The following CPNE5 variants were observed in gnomAD, a reference collection of about 807,000 sequenced individuals.
CPNE5 encodes copine-5.
In CPNE5, 42 loss-of-function variants were observed where a neutral mutation model predicts 81.1. The ratio of observed to expected loss-of-function variants is 0.52; its 90% CI spans 0.40 to 0.67. The LOEUF (loss-of-function observed/expected upper bound fraction) is 0.67. CPNE5 is among the 30% of genes least tolerant of loss of function. The probability of loss-of-function intolerance (pLI) is 0.00; values close to 1 mark genes in which losing one functional copy is unlikely to be tolerated. For synonymous variants in CPNE5, 313 were observed against 321.5 expected (o/e 0.97, Z 0.28); for missense variants, 612 against 815.5 (o/e 0.75, Z 3.04).
intron 3 of CPNE5, among the ~76,000 whole-genome samples, chr6:36,821,507 A>G (rs1432207216): frequency 6.6e-6 from 1 of 151,700 alleles, no homozygotes; most frequent in Non-Finnish European, 1.5e-5. Context: ...GAGTGGGCCC[A>G]TCAAGTCAGC....
intron 14 of CPNE5, among the ~76,000 whole-genome samples, chr6:36,751,011 C>A (rs1231785684): frequency 6.6e-6 from 1 of 152,210 alleles, no homozygotes; most frequent in Non-Finnish European, 1.5e-5. Context: ...GACAGTGGGG[C>A]CAAAGTACCC....
intron 9 of CPNE5, among the ~76,000 whole-genome samples, chr6:36,776,257 G>A (rs541580911): frequency 1.3e-5 from 2 of 152,270 alleles, no homozygotes; most frequent in East Asian, 3.9e-4. Flanking sequence ...ACCCAAATAA[G>A]TGCCTGGGCT....
At chr6:36,803,302 C>A (rs1770293209) in intron 3 of CPNE5, among the ~76,000 whole-genome samples, 1 of 152,186 alleles carries the variant, frequency 6.6e-6, no homozygotes, top group Non-Finnish European at 1.5e-5. Context: ...GGAGCCTCCG[C>A]TCCCTGGCCA....
chr6:36,771,765 C>T (rs1327435762), intron 10 of CPNE5, among the ~76,000 whole-genome samples: 1 of 151,004 alleles, frequency 6.6e-6, no homozygotes, highest in Non-Finnish European at 1.5e-5. Flanking sequence ...CCTGCCTACC[C>T]TGGAGGGCCT....
intron 20 of CPNE5, chr6:36,742,869 C>T: frequency 3.0e-6 from 3 of 984,858 alleles, no homozygotes; most frequent in Non-Finnish European, 3.6e-6. Context: ...CCAGCAGAGC[C>T]CTCTCTCTCT....
At chr6:36,779,771 C>G (rs567004903) in intron 8 of CPNE5, among the ~76,000 whole-genome samples, 1 of 152,338 alleles carries the variant, frequency 6.6e-6, no homozygotes, top group South Asian at 2.1e-4. Flanking sequence ...CCCCTCAGCT[C>G]TCTGGGGCCA....
chr6:36,748,963 G>C (rs1393821842), intron 14 of CPNE5, among the ~76,000 whole-genome samples: 1 of 152,122 alleles, frequency 6.6e-6, no homozygotes, highest in African/African-American at 2.4e-5. Flanking sequence ...TGGAAAAGAG[G>C]TCTCGCTCTG....
intron 14 of CPNE5, among the ~76,000 whole-genome samples, chr6:36,751,344 T>C (rs1341654021): frequency 6.6e-6 from 1 of 152,222 alleles, no homozygotes. Flanking sequence ...GACTGATTCA[T>C]TACTATAGAA....
rs755375011 is a variant in CPNE5, at chr6:36,742,459, G to A, written c.1591C>T (p.Arg531Cys). ...QFVPFRDYVD[R>C]TGNHVLSMAR... Reference sequence around the variant, plus strand: ...ATGCTCAGCACGTGGTTGCCTGTGCGGTCCACGTAGTCCCGGAAGGGTACA... The same window carrying A: ...ATGCTCAGCACGTGGTTGCCTGTGCAGTCCACGTAGTCCCGGAAGGGTACA... The change falls in exon 21 of 21, where the codon CGC becomes TGC. Residue 531 changes from arginine to cysteine, a missense_variant. By Grantham distance (180) the Arg-to-Cys change is radical. Transcript: ENST00000244751. 8.7e-6 allele frequency: 14 copies of A among 1,612,742 alleles called. No homozygotes were observed. The highest frequency in any genetic ancestry group is 4.0e-5 in the African/African-American group (3 of 74,920).
intron 13 of CPNE5, among the ~76,000 whole-genome samples, chr6:36,753,302 TG>T (rs1468842650): frequency 6.6e-6 from 1 of 152,246 alleles, no homozygotes; most frequent in Non-Finnish European, 1.5e-5. Flanking sequence ...TGGTGCAATG[TG>T]CCCAAGGACA....
chr6:36,759,336 G>C, intron 12 of CPNE5, among the ~76,000 whole-genome samples: 1 of 151,882 alleles, frequency 6.6e-6, no homozygotes, highest in Admixed American at 6.6e-5. Flanking sequence ...CCCATGCAGG[G>C]GGCCAGCGCC....
At chr6:36,763,053 C>T (rs1441804220) in intron 11 of CPNE5, 61 bp from the exon 12 acceptor site, 1 of 1,412,068 alleles carries the variant, frequency 7.1e-7, no homozygotes, top group East Asian at 2.3e-5. Context: ...TGCCCAGCCC[C>T]AGCCTTGCAC....
Position 36,765,311 on chromosome 6 carries a change from G to A in CPNE5, c.779+24C>T, listed in dbSNP as rs774335860. 1.2e-5 allele frequency: 20 copies of A among 1,612,964 alleles called. No homozygotes were observed. In the East Asian group the frequency reaches 1.3e-4, roughly 11 times the overall value. The stretch of plus-strand genomic sequence containing the variant: ...TGTCCCCATCCCCACTCACCTTCTC[G>A]CCCCTGCCCTCCTGCCTGCTTACCT... On this transcript the variant is annotated intron_variant, in intron 11 of 20. Transcript: ENST00000244751.
chr6:36,794,747 G>A, intron 6 of CPNE5, 98 bp from the exon 7 acceptor site: 2 of 1,091,800 alleles, frequency 1.8e-6, no homozygotes. Context: ...GAGACAAGCG[G>A]CTGCTCTGGA....
chr6:36,754,602 G>C (rs562233134), intron 13 of CPNE5: 1 of 152,296 alleles, frequency 6.6e-6, no homozygotes, highest in East Asian at 1.9e-4. Context: ...GTGATTTTTC[G>C]CGATGAAGAT....
intron 11 of CPNE5, among the ~76,000 whole-genome samples, chr6:36,764,035 G>A (rs1366069443): frequency 6.6e-6 from 1 of 152,074 alleles, no homozygotes; most frequent in Non-Finnish European, 1.5e-5. Flanking sequence ...CTGGCCTGGG[G>A]CATCCAGCCG....
At position 36,839,312 on chromosome 6, in the gene CPNE5, G is replaced by A. The variant is rs770269192; in HGVS notation, c.66C>T (p.Ala22=). 36 of 1,550,130 alleles carry A rather than the reference G, an allele frequency of 2.3e-5. No individual in the cohort carries two copies. Among genetic ancestry groups the A allele is most frequent in the South Asian group, 7.2e-5 (6 of 83,842 alleles). The change falls in exon 1 of 21, where the codon GCC becomes GCT. Residue 22 remains alanine (A), a synonymous_variant. Coordinates refer to ENST00000244751, the MANE Select transcript of CPNE5 (RefSeq NM_020939.2). This position sits in a 1 kb window ranked among gnomAD's most constrained non-coding sequence, Gnocchi z 7.3. Reference sequence around the variant, plus strand: ...AGGACACGGTGATCTCCACCTTGGTGGCCGGGATGCTGCCCGCCAAGGAGT... The same window carrying A: ...AGGACACGGTGATCTCCACCTTGGTAGCCGGGATGCTGCCCGCCAAGGAGT... ...EFDSLAGSIP[A]TKVEITVSCR...
At chr6:36,805,177 G>A (rs1271605749) in intron 3 of CPNE5, among the ~76,000 whole-genome samples, 1 of 152,224 alleles carries the variant, frequency 6.6e-6, no homozygotes, top group Non-Finnish European at 1.5e-5. Context: ...GAGTTTTCAA[G>A]CCAGAAGGGA....
chr6:36,792,293 T>C (rs1582904608), intron 7 of CPNE5, 197 bp from the exon 8 acceptor site: 1 of 1,480,272 alleles, frequency 6.8e-7, no homozygotes, highest in Non-Finnish European at 9.1e-7. Flanking sequence ...TGGGACCGGG[T>C]CCCCGAGCCT....
Sources: allele counts gnomAD v4.1 joint callset (sites outside exome capture counted in the v4.1 genomes callset), GRCh38; gene constraint gnomAD v4.1.1; non-coding constraint Gnocchi (gnomAD v3.1); transcripts MANE v1.5; gene names NCBI Gene and HGNC (gene_info 2026-07-23, HGNC 2026-07-21).